USP35: variants seen among roughly 807,000 people sequenced by gnomAD.
USP35 encodes the protein ubiquitin specific peptidase 35.
Under a neutral mutation model 83.8 loss-of-function variants are expected in USP35, and 69 were observed. The ratio of observed to expected loss-of-function variants is 0.82; its 90% CI spans 0.68 to 1.01. The LOEUF is 1.01. USP35 is among the 50% of genes least tolerant of loss of function. The probability of loss-of-function intolerance (pLI) is 0.00; values close to 1 mark genes in which losing one functional copy is unlikely to be tolerated. For synonymous variants in USP35, 714 were observed against 589.5 expected, an observed-to-expected ratio of 1.21 and a Z score of -3.06; for missense variants, 1,503 against 1,362.5, an observed-to-expected ratio of 1.10 and a Z score of -1.62.
intron 1 of USP35, among the ~76,000 whole-genome samples, chr11:78,195,211 G>A (rs183373089): frequency 3.9e-5 from 6 of 152,296 alleles, no homozygotes; most frequent in African/African-American, 1.2e-4. Context: ...AGGCCCCAGC[G>A]GATTGTAGGA....
the USP35 span, chr11:78,226,741 C>G: frequency 6.2e-7 from 1 of 1,614,004 alleles, no homozygotes; most frequent in Non-Finnish European, 8.5e-7. Context: ...ATATTGTCTA[C>G]CAGGAGGTCC....
chr11:78,219,644 C>T (rs1000840413), downstream of USP35, among the ~76,000 whole-genome samples: 1 of 152,202 alleles, frequency 6.6e-6, no homozygotes, highest in East Asian at 1.9e-4. Context: ...CCTGCCAGCC[C>T]TTCTTACTTC....
At chr11:78,221,807 G>T in the USP35 span, 1 of 1,501,552 alleles carries the variant, frequency 6.7e-7, no homozygotes, top group South Asian at 1.1e-5. Flanking sequence ...AGTTAACACT[G>T]GGGAAGCTGC....
Position 78,200,685 on chromosome 11 carries a change from G to A in USP35, c.1074G>A (p.Leu358=), listed in dbSNP as rs924108833. Residue 358 remains leucine (L), a synonymous_variant, in exon 6 of 11, where the codon CTG becomes CTA. Coordinates refer to ENST00000529308, the MANE Select transcript of USP35 (RefSeq NM_020798.4). The part of the protein sequence containing the change: ...LPHIPPMVAS[L]VKEDSNSGTS... ...ACATCCCCCCCATGGTGGCCTCTCT[G>A]GTCAAGGAGGACTCGAACTCGGGGA... The A allele has an allele frequency of 6.2e-7, 1 of 1,613,706 alleles. No individual in the cohort carries two copies. The highest frequency in any genetic ancestry group is 1.3e-5 in the African/African-American group (1 of 74,924).
At position 78,196,814 on chromosome 11, in the gene USP35, A is replaced by C; in HGVS notation, c.569A>C (p.Glu190Ala). The C allele has an allele frequency of 6.5e-7, 1 of 1,532,540 alleles. No homozygotes were observed. Among genetic ancestry groups the C allele is most frequent in the Non-Finnish European group, 8.7e-7 (1 of 1,144,552 alleles). The allele number at this position is 1,532,540 out of a possible 1,614,324, so 94.9% of individuals were successfully genotyped here. A position where few individuals can be genotyped will look rare whatever the true frequency, so the allele number is the denominator to read the frequency against. Residue 190 changes from glutamate to alanine, a missense_variant, in exon 2 of 11, where the codon GAG becomes GCG. Physicochemically the swap from Glu to Ala is moderately radical, Grantham distance 107. Coordinates refer to ENST00000529308, the MANE Select transcript of USP35 (RefSeq NM_020798.4). This position sits in a 1 kb window ranked among gnomAD's most constrained non-coding sequence, Gnocchi z 4.8. ...GAGGAGGGCGCCGTGGAGTTCCTAG[A>C]GCAGGCCCAGCAGGTGAGCGGGCTC... ...EGEEGAVEFLEQAQQVSGLLA... is the reference protein window; with the variant it reads ...EGEEGAVEFLAQAQQVSGLLA...
chr11:78,192,358 C>G (rs1380207540), intron 1 of USP35, among the ~76,000 whole-genome samples: 1 of 152,230 alleles, frequency 6.6e-6, no homozygotes, highest in Non-Finnish European at 1.5e-5. Flanking sequence ...AGGCAGAGTG[C>G]AGGTTCTAAT....
At chr11:78,200,298 C>T (rs1590902594) in intron 5 of USP35, 64 bp downstream of exon 5, 3 of 1,533,894 alleles carry the variant, frequency 2.0e-6, no homozygotes, top group East Asian at 2.2e-5. Flanking sequence ...AAGGGCCCTG[C>T]CTACTGCCCC....
chr11:78,209,812 C>T lies in USP35; in HGVS notation c.1957C>T (p.Pro653Ser), dbSNP rs767679127. 8 of 1,613,484 alleles carry T rather than the reference C, an allele frequency of 5.0e-6. No individual in the cohort carries two copies. In the Admixed American group the frequency reaches 5.0e-5, roughly 10 times the overall value. The part of the protein sequence containing the change: ...QRKHCITEDT[P>S]PTSLYIEGLD... ...GAAACACTGCATCACAGAGGACACC[C>T]CCCCCACCAGCCTGTACATCGAAGG... Residue 653 changes from proline to serine, a missense_variant, in exon 10 of 11, where the codon CCC becomes TCC. Transcript: ENST00000529308.
At chr11:78,208,721 C>CA in intron 8 of USP35, 136 bp from the exon 9 acceptor site, 1 of 895,676 alleles carries the variant, frequency 1.1e-6, no homozygotes, top group Non-Finnish European at 1.8e-6. Flanking sequence ...AATAGAAAAG[C>CA]GGGGAGGACC....
In USP35 at chr11:78,196,335, G is replaced by C. The variant is rs752988689; in HGVS notation, c.90G>C (p.Arg30=). ...GLVRRVLEAA[R]QPLEREQCLA... ...TTCGGCGCGTGCTGGAGGCGGCGCG[G>C]CAGCCGCTGGAGCGTGAGCAGTGCC... The change falls in exon 2 of 11, where the codon CGG becomes CGC. Residue 30 remains arginine (R), a synonymous_variant. Transcript: ENST00000529308. This position sits in a 1 kb window ranked among gnomAD's most constrained non-coding sequence, Gnocchi z 4.8. 8.9e-5 allele frequency: 141 copies of C among 1,584,434 alleles called. No homozygotes were observed. Among genetic ancestry groups the C allele is most frequent in the Non-Finnish European group, 1.4e-5 (16 of 1,173,316 alleles).
In USP35 at chr11:78,200,665, C is replaced by A; in HGVS notation, c.1054C>A (p.Pro352Thr). 1 of 1,611,104 alleles carries A rather than the reference C, an allele frequency of 6.2e-7. No homozygotes were observed. The highest frequency in any genetic ancestry group is 8.5e-7 in the Non-Finnish European group (1 of 1,178,304). The change falls in exon 6 of 11, where the codon CCC (proline) becomes ACC (threonine). Residue 352 changes from proline (P) to threonine (T), a missense_variant. Pro to Thr is a conservative substitution (Grantham distance 38). Coordinates refer to ENST00000529308, the MANE Select transcript of USP35 (RefSeq NM_020798.4). Reference protein sequence around the residue: ...EAFHLLLPHIPPMVASLVKED... With the variant: ...EAFHLLLPHITPMVASLVKED... ...GCTCCCACAGCTCCTCCCTCACATCCCCCCCATGGTGGCCTCTCTGGTCAA... is the reference window on the plus strand; with the variant it reads ...GCTCCCACAGCTCCTCCCTCACATCACCCCCATGGTGGCCTCTCTGGTCAA...
At chr11:78,230,529 C>T in the USP35 span, among the ~76,000 whole-genome samples, 1 of 152,274 alleles carries the variant, frequency 6.6e-6, no homozygotes, top group Admixed American at 6.5e-5. Flanking sequence ...CATCGCAACA[C>T]TCACCTTATT....
chr11:78,223,687 G>A, the USP35 span: 6 of 1,574,820 alleles, frequency 3.8e-6, no homozygotes, highest in Non-Finnish European at 5.2e-6. Context: ...CTAGGGAGAG[G>A]AACAGTGAAA....
At chr11:78,193,494 T>C (rs1863057677) in intron 1 of USP35, among the ~76,000 whole-genome samples, 1 of 151,624 alleles carries the variant, frequency 6.6e-6, no homozygotes, top group South Asian at 2.1e-4. Context: ...CATGAGCCAC[T>C]GTGCCCAGCT....
In USP35 at chr11:78,209,831, T is replaced by C. The variant is rs780641422; in HGVS notation, c.1976T>C (p.Ile659Thr). 26 of 1,612,646 alleles carry C rather than the reference T, an allele frequency of 1.6e-5. No homozygotes were observed. The highest frequency in any genetic ancestry group is 2.0e-5 in the Non-Finnish European group (24 of 1,179,634). ...GACACCCCCCCCACCAGCCTGTACA[T>C]CGAAGGCCTGGACTCCAAGGAAGCT... is the stretch of plus-strand genomic sequence containing the variant. Reference protein sequence around the residue: ...TEDTPPTSLYIEGLDSKEAGG... With the variant: ...TEDTPPTSLYTEGLDSKEAGG... The change falls in exon 10 of 11, where the codon ATC (isoleucine) becomes ACC (threonine). Residue 659 changes from isoleucine (I) to threonine (T), a missense_variant. Physicochemically the swap from Ile to Thr is moderately conservative, Grantham distance 89 (BLOSUM62 -1). Transcript: ENST00000529308.
the USP35 span, among the ~76,000 whole-genome samples, chr11:78,227,674 C>A: frequency 6.8e-5 from 10 of 147,696 alleles, no homozygotes; most frequent in East Asian, 1.6e-3. Context: ...GTGCTGCACA[C>A]CTGTAGTCCT....
the USP35 span, among the ~76,000 whole-genome samples, chr11:78,224,281 T>A: frequency 3.9e-4 from 60 of 152,276 alleles, no homozygotes; most frequent in African/African-American, 1.4e-3. Flanking sequence ...GTCCATAGAC[T>A]GTAGGTTTGG....
chr11:78,235,023 G>A, the USP35 span, among the ~76,000 whole-genome samples: 2 of 152,030 alleles, frequency 1.3e-5, no homozygotes, highest in Admixed American at 6.6e-5. Flanking sequence ...CCGGGCCACC[G>A]GGAGGGGCTG....
the USP35 span, chr11:78,222,021 C>T: frequency 1.1e-6 from 1 of 899,160 alleles, no homozygotes; most frequent in African/African-American, 1.6e-5. Flanking sequence ...ATCCAGCTGT[C>T]CCGGCCCACA....
Sources: gnomAD v4.1 joint callset for allele counts (sites outside exome capture counted in the v4.1 genomes callset) on GRCh38, gnomAD v4.1.1 for gene constraint, Gnocchi (gnomAD v3.1) non-coding constraint, MANE v1.5 for transcripts, NCBI Gene and HGNC (gene_info 2026-07-23, HGNC 2026-07-21) for gene names.